Variants in LRTM1 observed in about 807,000 individuals in gnomAD.
LRTM1 encodes the protein leucine rich repeat transmembrane protein 1, also known as leucine-rich repeat and transmembrane domain-containing protein 1.
In LRTM1, 38 loss-of-function variants were observed where a neutral mutation model predicts 32.4. The ratio of observed to expected loss-of-function variants is 1.17; its 90% CI spans 0.91 to 1.54. The LOEUF is 1.54. Ranked by LOEUF, LRTM1 falls within the 40% of genes most tolerant of loss-of-function variation. The pLI is 0.00. For missense variants in LRTM1, 466 were observed against 415.4 expected (o/e 1.12, Z -1.06); for synonymous variants, 186 against 169.9 (o/e 1.09, Z -0.74).
intron 1 of LRTM1, among the ~76,000 whole-genome samples, chr3:54,944,000 A>C (rs563374647): frequency 6.6e-6 from 1 of 152,144 alleles, no homozygotes; most frequent in African/African-American, 2.4e-5. Context: ...TTCGTTTCCT[A>C]ACCATTTGAC....
chr3:54,922,500 G>C (rs1350772629), intron 2 of LRTM1, among the ~76,000 whole-genome samples: 6 of 152,078 alleles, frequency 3.9e-5, no homozygotes, highest in African/African-American at 1.4e-4. Flanking sequence ...TGTGGCTCCT[G>C]TTGCTGGTTG....
intron 1 of LRTM1, among the ~76,000 whole-genome samples, chr3:54,940,265 T>C (rs1701433651): frequency 6.6e-6 from 1 of 152,218 alleles, no homozygotes; most frequent in Admixed American, 6.5e-5. Flanking sequence ...TTTCTACTTA[T>C]CCTTGAGAAA....
intron 1 of LRTM1, among the ~76,000 whole-genome samples, chr3:54,966,545 C>T (rs1702155299): frequency 6.6e-6 from 1 of 152,170 alleles, no homozygotes; most frequent in South Asian, 2.1e-4. Context: ...CCAAGCCAGC[C>T]ACATGGCTCA....
Position 54,925,211 on chromosome 3 carries a change from T to C in LRTM1, c.12A>G (p.Glu4=), listed in dbSNP as rs375838244. The C allele has an allele frequency of 8.2e-5, 132 of 1,609,550 alleles. No homozygotes were observed. The highest frequency in any genetic ancestry group is 1.0e-4 in the Non-Finnish European group (120 of 1,176,568). ...CAATCACACTGGAAAACAGGAGCAG[T>C]TCACCTACAACAAACAGAAAGAAAT... The part of the protein sequence containing the change: MKG[E]LLLFSSVIVL... The change falls in exon 2 of 3, where the codon GAA becomes GAG. Residue 4 remains glutamate, a synonymous_variant. Coordinates refer to ENST00000273286, the MANE Select transcript of LRTM1 (RefSeq NM_020678.4).
intron 1 of LRTM1, among the ~76,000 whole-genome samples, chr3:54,962,332 A>G (rs1216922816): frequency 6.6e-6 from 1 of 152,158 alleles, no homozygotes; most frequent in Non-Finnish European, 1.5e-5. Context: ...CACTGATATA[A>G]CACTCTAAGG....
chr3:54,932,739 G>A (rs111397787), upstream of LRTM1, among the ~76,000 whole-genome samples: 509 of 152,278 alleles, frequency 3.3e-3, 1 homozygote, highest in African/African-American at 0.012. Flanking sequence ...CCTTGGTAAA[G>A]TCATGGCCAA....
chr3:54,930,161 G>T (rs1472134735), upstream of LRTM1, among the ~76,000 whole-genome samples: 3 of 152,064 alleles, frequency 2.0e-5, no homozygotes, highest in African/African-American at 7.2e-5. Flanking sequence ...GCATAGATCG[G>T]CCCACAGGCT....
intron 1 of LRTM1, among the ~76,000 whole-genome samples, chr3:54,935,268 C>T (rs1475117166): frequency 2.6e-5 from 4 of 152,260 alleles, no homozygotes; most frequent in African/African-American, 9.6e-5. Context: ...CCTATACTGT[C>T]AGGGTTAGAG....
intron 1 of LRTM1, among the ~76,000 whole-genome samples, chr3:54,962,245 T>C (rs1280779379): frequency 6.6e-6 from 1 of 152,168 alleles, no homozygotes; most frequent in Admixed American, 6.5e-5. Context: ...AGCACACCTT[T>C]CCTTAATCCT....
chr3:54,945,176 C>A (rs1405086106), intron 1 of LRTM1, among the ~76,000 whole-genome samples: 1 of 152,126 alleles, frequency 6.6e-6, no homozygotes, highest in Non-Finnish European at 1.5e-5. Context: ...TTCAGCCCCT[C>A]CTCCCTCCCT....
chr3:54,963,355 CT>C (rs1702075552), intron 1 of LRTM1, among the ~76,000 whole-genome samples: 1 of 152,086 alleles, frequency 6.6e-6, no homozygotes, highest in Non-Finnish European at 1.5e-5. Flanking sequence ...TCTATGGTTC[CT>C]TCTGGGATCA....
At chr3:54,934,250 A>C (rs984727389) in intron 1 of LRTM1, among the ~76,000 whole-genome samples, 2 of 152,198 alleles carry the variant, frequency 1.3e-5, no homozygotes, top group African/African-American at 4.8e-5. Flanking sequence ...TTTTTTACAC[A>C]ACCCATTCTT....
intron 1 of LRTM1, among the ~76,000 whole-genome samples, chr3:54,946,755 AC>A (rs1340532082): frequency 6.6e-6 from 1 of 151,662 alleles, no homozygotes; most frequent in Non-Finnish European, 1.5e-5. Context: ...TTTCTTAAAC[AC>A]CCGAAATCAT....
chr3:54,919,202 G>A (rs1029762773), intron 2 of LRTM1, among the ~76,000 whole-genome samples: 2 of 152,244 alleles, frequency 1.3e-5, no homozygotes, highest in Non-Finnish European at 2.9e-5. Flanking sequence ...CACGCTGGGG[G>A]CCGATGGTGA....
chr3:54,937,130 C>G (rs1361714653), intron 1 of LRTM1, among the ~76,000 whole-genome samples: 1 of 152,128 alleles, frequency 6.6e-6, no homozygotes, highest in East Asian at 1.9e-4. Context: ...TGAAGACACC[C>G]TTACTTAAAA....
chr3:54,930,232 C>T (rs1206122431), upstream of LRTM1, among the ~76,000 whole-genome samples: 1 of 152,284 alleles, frequency 6.6e-6, no homozygotes, highest in South Asian at 2.1e-4. Flanking sequence ...TCCACCACCC[C>T]ACCTGTCACC....
At chr3:54,923,987 G>A (rs529302726) in intron 2 of LRTM1, among the ~76,000 whole-genome samples, 1 of 152,322 alleles carries the variant, frequency 6.6e-6, no homozygotes, top group Non-Finnish European at 1.5e-5. Flanking sequence ...AACGGGAGAT[G>A]GGCTGTGGCC....
At chr3:54,940,540 C>T (rs990517784) in intron 1 of LRTM1, among the ~76,000 whole-genome samples, 8 of 152,112 alleles carry the variant, frequency 5.3e-5, no homozygotes, top group South Asian at 2.1e-4. Flanking sequence ...GACACCAGTC[C>T]GTAAAGCCCC....
At chr3:54,966,324 A>C (rs1212628362) in intron 1 of LRTM1, among the ~76,000 whole-genome samples, 1 of 152,134 alleles carries the variant, frequency 6.6e-6, no homozygotes, top group East Asian at 1.9e-4. Flanking sequence ...GATGAGATTT[A>C]TTTGAAATGC....
Sources: gnomAD v4.1 joint callset for allele counts (sites outside exome capture counted in the v4.1 genomes callset) on GRCh38, gnomAD v4.1.1 for gene constraint, MANE v1.5 for transcripts, NCBI Gene and HGNC (gene_info 2026-07-23, HGNC 2026-07-21) for gene names.